Variants in C15orf61 observed in about 807,000 individuals in gnomAD.
C15orf61 encodes chromosome 15 open reading frame 61, also known as uncharacterized protein C15orf61.
In C15orf61, 12 loss-of-function variants were observed where a neutral mutation model predicts 13.7. That is an observed-to-expected ratio of 0.88 (90% CI 0.56 to 1.42). C15orf61 has a LOEUF of 1.42. C15orf61 is among the 40% of genes most tolerant of loss of function. C15orf61 has a pLI of 0.00. For missense variants in C15orf61, 248 were observed against 213.2 expected (o/e 1.16, Z -1.02); for synonymous variants, 92 against 94.1 (o/e 0.98, Z 0.13).
In C15orf61 at chr15:67,526,576, G is replaced by T; in HGVS notation, c.*31G>T. On this transcript the variant is annotated 3_prime_UTR_variant, in exon 2 of 2. Transcript: ENST00000342683. ...TGCGTCAAAGAACATAAATATCAGT[G>T]GATTTTCTCTGTGTATATGTGCAGT... is the stretch of plus-strand genomic sequence containing the variant. The T allele has an allele frequency of 6.8e-7, 1 of 1,474,166 alleles. No individual in the cohort carries two copies. The highest frequency in any genetic ancestry group is 9.0e-7 in the Non-Finnish European group (1 of 1,105,454). 91.3% of individuals were successfully genotyped at this position (1,474,166 alleles called of 1,614,324 possible).
chr15:67,524,877 G>A (rs4776942), intron 1 of C15orf61, among the ~76,000 whole-genome samples: 2 of 136,024 alleles, frequency 1.5e-5, no homozygotes, highest in South Asian at 2.2e-4. Flanking sequence ...TCCCTCTGTC[G>A]CCAGGCTGGA....
At position 67,527,311 on chromosome 15, in the gene C15orf61, A is replaced by T. The variant is rs10518729; in HGVS notation, c.*766A>T. 0.69 allele frequency: 104,295 copies of T among 152,014 alleles called. 36,395 individuals carry two copies. The highest frequency in any genetic ancestry group is 0.8 in the Middle Eastern group (236 of 294). 9.4% of individuals were successfully genotyped at this position (152,014 alleles called of 1,614,324 possible). A position where few individuals can be genotyped will look rare whatever the true frequency, so the allele number is the denominator to read the frequency against. ...AACTGTTTATAAAAGCAATTAACTG[A>T]AATGGTACATATCCATAGACTTATT... On this transcript the variant is annotated 3_prime_UTR_variant, in exon 2 of 2. Coordinates refer to ENST00000342683, the MANE Select transcript of C15orf61 (RefSeq NM_001143936.2).
In C15orf61 at chr15:67,521,557, G is replaced by C; in HGVS notation, c.309G>C (p.Gln103His). The change falls in exon 1 of 2, where the codon CAG (glutamine) becomes CAC (histidine). Residue 103 changes from glutamine to histidine, a missense_variant. Gln to His is a conservative substitution (Grantham distance 24). Transcript: ENST00000342683. The part of the protein sequence containing the change: ...SKAPWQDLAR[Q>H]NRFFTALKVV... ...CTCCCTGGCAGGACCTGGCCCGGCA[G>C]AACCGCTTCTTCACGGCGCTCAAGG... is the stretch of plus-strand genomic sequence containing the variant. 1 of 1,542,302 alleles carries C rather than the reference G, an allele frequency of 6.5e-7. No homozygotes were observed. The highest frequency in any genetic ancestry group is 1.2e-5 in the South Asian group (1 of 83,840).
intron 1 of C15orf61, chr15:67,521,892 G>A (rs2084167540): frequency 1.5e-6 from 1 of 656,598 alleles, no homozygotes; most frequent in Non-Finnish European, 2.7e-6. Flanking sequence ...GGCCTGGGCA[G>A]TAAGCCAGGG....
rs1196083524 is a variant in C15orf61, at chr15:67,529,763, A to G, written c.*3218A>G. 3 of 152,324 alleles carry G rather than the reference A, an allele frequency of 2.0e-5. No homozygotes were observed. The East Asian group carries it at 5.8e-4, about 29-fold the overall frequency. 9.4% of individuals were successfully genotyped at this position (152,324 alleles called of 1,614,324 possible). A position where few individuals can be genotyped will look rare whatever the true frequency, so the allele number is the denominator to read the frequency against. On this transcript the variant is annotated 3_prime_UTR_variant, in exon 2 of 2. Transcript: ENST00000342683. The surrounding 1 kb of genome is among the most constrained non-coding windows in gnomAD (Gnocchi z 4.4). Reference sequence around the variant, plus strand: ...TAAAACCGTGTATCTTTTAAAGTACATTTTACTTCATGTCATTTATATTCA... The same window carrying G: ...TAAAACCGTGTATCTTTTAAAGTACGTTTTACTTCATGTCATTTATATTCA...
Position 67,525,511 on chromosome 15 carries a change from A to G in C15orf61, c.347-907A>G, listed in dbSNP as rs1172374109. 1.3e-5 allele frequency among the ~76,000 whole-genome samples: 2 copies of G among 152,238 alleles called. No individual in the cohort carries two copies. Among genetic ancestry groups the G allele is most frequent in the African/African-American group, 4.8e-5 (2 of 41,460 alleles). ...AAAGAAGAAACACATGTTGGAGTCT[A>G]CTATATATCTATTTCAAATTGGTTG... On this transcript the variant is annotated intron_variant, in intron 1 of 1. Transcript: ENST00000342683. The surrounding 1 kb of genome is among the most constrained non-coding windows in gnomAD (Gnocchi z 4.9).
rs1217891886 is a variant in C15orf61 at position 67,530,040 on chromosome 15, G to C, written c.*3495G>C. 1 of 152,164 alleles carries C rather than the reference G, an allele frequency of 6.6e-6. No individual in the cohort carries two copies. Among genetic ancestry groups the C allele is most frequent in the African/African-American group, 2.4e-5 (1 of 41,440 alleles). The allele number at this position is 152,164 out of a possible 1,614,324, so 9.4% of individuals were successfully genotyped here. ...GTACTTAGCATTACATCTCACCTGG[G>C]TCAACAGTCTAGAGTATCAGAGTTA... On this transcript the variant is annotated 3_prime_UTR_variant, in exon 2 of 2. Coordinates refer to ENST00000342683, the MANE Select transcript of C15orf61 (RefSeq NM_001143936.2).
chr15:67,525,632 CTTTAGAT>C lies in C15orf61; in HGVS notation c.347-781_347-775del, dbSNP rs2084194295. On this transcript the variant is annotated intron_variant, in intron 1 of 1. Coordinates refer to ENST00000342683, the MANE Select transcript of C15orf61 (RefSeq NM_001143936.2). This position sits in a 1 kb window ranked among gnomAD's most constrained non-coding sequence, Gnocchi z 4.9. ...AAATCTTACTTGGAGTTAGGTTTTG[CTTTAGAT>C]TTTAAAGACAGCTCTTTGACCGAGC... Among the ~76,000 whole-genome samples, 1 of 152,056 alleles carries C rather than the reference CTTTAGAT, an allele frequency of 6.6e-6. No homozygotes were observed. Among genetic ancestry groups the C allele is most frequent in the African/African-American group, 2.4e-5 (1 of 41,380 alleles).
rs887396490 is a variant in C15orf61 at position 67,527,177 on chromosome 15, T to C, written c.*632T>C. On this transcript the variant is annotated 3_prime_UTR_variant, in exon 2 of 2. Coordinates refer to ENST00000342683, the MANE Select transcript of C15orf61 (RefSeq NM_001143936.2). ...TGTAATAATAACTGGTTAATATAAG[T>C]GTAGCAAGGTGAATGAAACTCAGAC... 2.6e-5 allele frequency: 4 copies of C among 152,178 alleles called. No individual in the cohort carries two copies. The highest frequency in any genetic ancestry group is 9.6e-5 in the African/African-American group (4 of 41,452). The allele number at this position is 152,178 out of a possible 1,614,324, so 9.4% of individuals were successfully genotyped here. A position where few individuals can be genotyped will look rare whatever the true frequency, so the allele number is the denominator to read the frequency against.
rs746303428 is a variant in C15orf61 at position 67,521,520 on chromosome 15, A to G, written c.272A>G (p.His91Arg). Residue 91 changes from histidine (H) to arginine (R), a missense_variant, in exon 1 of 2, where the codon CAC becomes CGC. Transcript: ENST00000342683. ...GGCTGCTTCCCCTTCATCAAGTACC[A>G]CTGCTCCAAGGCTCCCTGGCAGGAC... ...RTGCFPFIKYHCSKAPWQDLA... is the reference protein window; with the variant it reads ...RTGCFPFIKYRCSKAPWQDLA... 16 of 1,548,168 alleles carry G rather than the reference A, an allele frequency of 1.0e-5. No homozygotes were observed. Among genetic ancestry groups the G allele is most frequent in the South Asian group, 4.8e-5 (4 of 83,966 alleles).
intron 1 of C15orf61, among the ~76,000 whole-genome samples, chr15:67,522,464 G>A (rs2084172891): frequency 6.6e-6 from 1 of 152,180 alleles, no homozygotes; most frequent in Non-Finnish European, 1.5e-5. Flanking sequence ...TACATAATCT[G>A]ATCGTCCATT....
In C15orf61 at chr15:67,526,612, G is replaced by C; in HGVS notation, c.*67G>C. ...GTGTATATGTGCAGTATTTATTTTTGATCCTTTAAAATAAAACTTTTGCAA... is the reference window on the plus strand; with the variant it reads ...GTGTATATGTGCAGTATTTATTTTTCATCCTTTAAAATAAAACTTTTGCAA... On this transcript the variant is annotated 3_prime_UTR_variant, in exon 2 of 2. Transcript: ENST00000342683. The C allele has an allele frequency of 7.4e-7, 1 of 1,343,240 alleles. No homozygotes were observed. The highest frequency in any genetic ancestry group is 9.8e-7 in the Non-Finnish European group (1 of 1,024,614). 83.2% of individuals were successfully genotyped at this position (1,343,240 alleles called of 1,614,324 possible).
chr15:67,528,717 G>A lies in C15orf61; in HGVS notation c.*2172G>A, dbSNP rs189241854. 8.5e-5 allele frequency: 13 copies of A among 152,220 alleles called. No homozygotes were observed. The highest frequency in any genetic ancestry group is 1.3e-4 in the Non-Finnish European group (9 of 68,008). The allele number at this position is 152,220 out of a possible 1,614,324, so 9.4% of individuals were successfully genotyped here. A position where few individuals can be genotyped will look rare whatever the true frequency, so the allele number is the denominator to read the frequency against. On this transcript the variant is annotated 3_prime_UTR_variant, in exon 2 of 2. Transcript: ENST00000342683. ...GACTGAGTCTATTTTTAGTATTGGT[G>A]CTGTCTTACTTTTTGACCTCAGGCT...
At position 67,521,471 on chromosome 15, in the gene C15orf61, G is replaced by T. The variant is rs1471264771; in HGVS notation, c.223G>T (p.Ala75Ser). ...GCACTTCAACTGGCCGGTGCAGGGC[G>T]CCAACTACCACGTCCTGCGCACCGG... is the stretch of plus-strand genomic sequence containing the variant. Reference protein sequence around the residue: ...LSHFNWPVQGANYHVLRTGCF... With the variant: ...LSHFNWPVQGSNYHVLRTGCF... Residue 75 changes from alanine to serine, a missense_variant, in exon 1 of 2, where the codon GCC becomes TCC. Coordinates refer to ENST00000342683, the MANE Select transcript of C15orf61 (RefSeq NM_001143936.2). 45 of 1,548,084 alleles carry T rather than the reference G, an allele frequency of 2.9e-5. No homozygotes were observed. In the East Asian group the frequency reaches 1.1e-3, roughly 36 times the overall value.
At chr15:67,523,990 T>G (rs993768890) in intron 1 of C15orf61, among the ~76,000 whole-genome samples, 1 of 152,246 alleles carries the variant, frequency 6.6e-6, no homozygotes, top group Admixed American at 6.5e-5. Flanking sequence ...TAATCTTTGA[T>G]CAGCCCTTGA....
rs2140926516 is a variant in C15orf61, at chr15:67,521,795, CCGT to C, written c.346+202_346+204del. On this transcript the variant is annotated intron_variant, in intron 1 of 1. Coordinates refer to ENST00000342683, the MANE Select transcript of C15orf61 (RefSeq NM_001143936.2). ...CTTGCTGAGCTCCTGGCACCCGAAG[CCGT>C]TCGCCTGCTGCGGGCGCGTCCTCGG... 6 of 645,122 alleles carry C rather than the reference CCGT, an allele frequency of 9.3e-6. No homozygotes were observed. In the East Asian group the frequency reaches 1.6e-4, roughly 18 times the overall value. 40.0% of individuals were successfully genotyped at this position (645,122 alleles called of 1,614,324 possible).
chr15:67,524,743 A>G (rs2084188781), intron 1 of C15orf61, among the ~76,000 whole-genome samples: 1 of 152,204 alleles, frequency 6.6e-6, no homozygotes, highest in African/African-American at 2.4e-5. Context: ...AACACACTCA[A>G]AAAGAGCTTA....
In C15orf61 at chr15:67,521,502, TC is replaced by T. The variant is rs1256896058; in HGVS notation, c.258del (p.Phe87SerfsTer57). On this transcript the variant is annotated frameshift_variant, in exon 1 of 2. Coordinates refer to ENST00000342683, the MANE Select transcript of C15orf61 (RefSeq NM_001143936.2). LOFTEE classifies it high-confidence loss of function. ...ANYHVLRTGC[F>X]PFIKYHCSKA... ...TACCACGTCCTGCGCACCGGCTGCT[TC>T]CCCTTCATCAAGTACCACTGCTCCA... 1.3e-6 allele frequency: 2 copies of T among 1,548,394 alleles called. No individual in the cohort carries two copies. Among genetic ancestry groups the T allele is most frequent in the East Asian group, 4.9e-5 (2 of 40,902 alleles).
intron 1 of C15orf61, among the ~76,000 whole-genome samples, chr15:67,523,793 T>A (rs1411110776): frequency 6.6e-6 from 1 of 152,176 alleles, no homozygotes; most frequent in Non-Finnish European, 1.5e-5. Flanking sequence ...TTGTAATATA[T>A]AAGTTATATA....
Sources: allele counts gnomAD v4.1 joint callset (sites outside exome capture counted in the v4.1 genomes callset), GRCh38; gene constraint gnomAD v4.1.1; non-coding constraint Gnocchi (gnomAD v3.1); transcripts MANE v1.5; gene names NCBI Gene and HGNC (gene_info 2026-07-23, HGNC 2026-07-21).